The following CSRP2 variants were observed in gnomAD, a reference collection of about 807,000 sequenced individuals.
CSRP2 encodes cysteine and glycine rich protein 2.
CSRP2 carries 18 observed loss-of-function variants against 24.6 expected under a neutral mutation model. That is an observed-to-expected ratio of 0.73 (90% CI 0.51 to 1.09). The LOEUF is 1.09. Among genes scored for constraint, CSRP2 ranks in the 50% least tolerant of loss-of-function variants. CSRP2 has a pLI of 0.00. For synonymous variants in CSRP2, 87 were observed against 84.3 expected, an observed-to-expected ratio of 1.03 and a Z score of -0.18; for missense variants, 215 against 239.4, an observed-to-expected ratio of 0.90 and a Z score of 0.67.
intron 1 of CSRP2, among the ~76,000 whole-genome samples, chr12:76,868,847 A>G (rs905227272): frequency 6.6e-5 from 10 of 151,276 alleles, no homozygotes; most frequent in Non-Finnish European, 1.5e-4. Flanking sequence ...GCAGGAGAAT[A>G]GCGTGAACCC....
chr12:76,872,254 A>G (rs981992679), intron 1 of CSRP2, among the ~76,000 whole-genome samples: 2 of 152,194 alleles, frequency 1.3e-5, no homozygotes. Flanking sequence ...GATGCCACCA[A>G]AATTCATAAG....
intron 1 of CSRP2, among the ~76,000 whole-genome samples, chr12:76,870,984 A>C (rs1390445544): frequency 6.6e-6 from 1 of 150,840 alleles, no homozygotes; most frequent in Admixed American, 6.6e-5. Flanking sequence ...TCAAAAAAAA[A>C]AAAAAAAAAA....
intron 1 of CSRP2, among the ~76,000 whole-genome samples, chr12:76,869,431 C>T (rs962773874): frequency 6.6e-6 from 1 of 152,058 alleles, no homozygotes; most frequent in African/African-American, 2.4e-5. Flanking sequence ...CACGGCCAAT[C>T]AACTGTGCCT....
At chr12:76,864,135 C>T (rs1199808490) in intron 2 of CSRP2, 2 of 152,182 alleles carry the variant, frequency 1.3e-5, no homozygotes, top group Non-Finnish European at 2.9e-5. Flanking sequence ...CATAAAACTG[C>T]CAAATGTCAT....
At chr12:76,859,086 T>G in intron 5 of CSRP2, 58 bp from the exon 6 acceptor site, 1 of 1,395,990 alleles carries the variant, frequency 7.2e-7, no homozygotes, top group Admixed American at 1.7e-5. Flanking sequence ...TTGCTAGCAC[T>G]GCTTAAGACC....
chr12:76,864,347 G>T (rs941394750), intron 2 of CSRP2: 1 of 151,968 alleles, frequency 6.6e-6, no homozygotes, highest in Non-Finnish European at 1.5e-5. Flanking sequence ...GTAGGGTGTC[G>T]GGAAGGAAGT....
chr12:76,871,388 A>G (rs1953794870), intron 1 of CSRP2, among the ~76,000 whole-genome samples: 1 of 152,218 alleles, frequency 6.6e-6, no homozygotes, highest in African/African-American at 2.4e-5. Context: ...AACTGAGCTG[A>G]TTGGTCACTA....
chr12:76,877,455 T>C (rs1007108353), intron 1 of CSRP2, among the ~76,000 whole-genome samples: 10 of 152,250 alleles, frequency 6.6e-5, no homozygotes, highest in African/African-American at 2.2e-4. Flanking sequence ...ATACCTATTG[T>C]GTGAGTCAAA....
At chr12:76,864,450 A>G (rs564905733) in intron 2 of CSRP2, 1 of 152,322 alleles carries the variant, frequency 6.6e-6, no homozygotes, top group South Asian at 2.1e-4. Context: ...CAATCATTGT[A>G]CATTTAAAAA....
intron 1 of CSRP2, among the ~76,000 whole-genome samples, chr12:76,868,840 G>A (rs1953761216): frequency 6.6e-6 from 1 of 151,960 alleles, no homozygotes; most frequent in Non-Finnish European, 1.5e-5. Context: ...GGCTGAGGCA[G>A]GAGAATAGCG....
intron 3 of CSRP2, 127 bp from the exon 4 acceptor site, chr12:76,860,540 G>T: frequency 9.1e-7 from 1 of 1,095,088 alleles, no homozygotes; most frequent in Non-Finnish European, 1.3e-6. Context: ...GCCTTTGCAG[G>T]CCAGCACAGG....
intron 1 of CSRP2, among the ~76,000 whole-genome samples, chr12:76,875,245 T>C (rs1296796544): frequency 6.6e-6 from 1 of 152,162 alleles, no homozygotes; most frequent in Non-Finnish European, 1.5e-5. Flanking sequence ...AAAAAGCTTT[T>C]TATTACCCCT....
Position 76,862,665 on chromosome 12 carries a change from A to C in CSRP2, c.281+511T>G, listed in dbSNP as rs1953694055. 2.3e-5 allele frequency: 25 copies of C among 1,086,950 alleles called. No homozygotes were observed. The South Asian group carries it at 6.4e-4, about 28-fold the overall frequency. 67.3% of individuals were successfully genotyped at this position (1,086,950 alleles called of 1,614,324 possible). ...GATACGTTGGCAACAAAGCCTTTAA[A>C]GTTTAACACTACTCTCTCAAAGAAT... On this transcript the variant is annotated intron_variant, in intron 3 of 5. Coordinates refer to ENST00000311083, the MANE Select transcript of CSRP2 (RefSeq NM_001321.3).
intron 1 of CSRP2, among the ~76,000 whole-genome samples, chr12:76,873,372 T>C (rs1399335329): frequency 1.3e-5 from 2 of 152,226 alleles, no homozygotes; most frequent in East Asian, 1.9e-4. Context: ...AAGCTTTCAG[T>C]TGATGCCTGT....
intron 1 of CSRP2, among the ~76,000 whole-genome samples, chr12:76,872,802 C>T (rs910726554): frequency 2.0e-5 from 3 of 152,166 alleles, no homozygotes; most frequent in African/African-American, 7.2e-5. Context: ...GAGCTTCTTC[C>T]TTCTGTCTTC....
chr12:76,866,641 T>C (rs1953738950), intron 1 of CSRP2, among the ~76,000 whole-genome samples: 1 of 152,182 alleles, frequency 6.6e-6, no homozygotes, highest in African/African-American at 2.4e-5. Flanking sequence ...TTAATAAACA[T>C]ATTTTTTTGA....
At chr12:76,863,060 C>T in intron 3 of CSRP2, 116 bp downstream of exon 3, 2 of 1,459,498 alleles carry the variant, frequency 1.4e-6, no homozygotes, top group Non-Finnish European at 1.8e-6. Context: ...AATCAGAGTC[C>T]CATTTTATTT....
chr12:76,868,761 G>A (rs943731776), intron 1 of CSRP2, among the ~76,000 whole-genome samples: 5 of 151,938 alleles, frequency 3.3e-5, no homozygotes, highest in South Asian at 2.1e-4. Flanking sequence ...GTGAAACCCC[G>A]TCTCTACTAA....
In CSRP2 at chr12:76,860,324, T is replaced by A; in HGVS notation, c.371A>T (p.Asp124Val). The change falls in exon 4 of 6, where the codon GAT (aspartate) becomes GTT (valine). Residue 124 changes from aspartate (D) to valine (V), a missense_variant. Physicochemically the swap from Asp to Val is radical, Grantham distance 152. Transcript: ENST00000311083. ...TATCTTCTCGGCAGCATATACAGAA[T>A]CCCCACATCTGGAACACTTCTCAGC... ...GGAEKCSRCG[D>V]SVYAAEKIIG... 1 of 1,614,078 alleles carries A rather than the reference T, an allele frequency of 6.2e-7. No homozygotes were observed. The highest frequency in any genetic ancestry group is 8.5e-7 in the Non-Finnish European group (1 of 1,180,000).
Sources: gnomAD v4.1 joint callset for allele counts (sites outside exome capture counted in the v4.1 genomes callset) on GRCh38, gnomAD v4.1.1 for gene constraint, MANE v1.5 for transcripts, NCBI Gene and HGNC (gene_info 2026-07-23, HGNC 2026-07-21) for gene names.